AGXT2: variants seen among roughly 807,000 people sequenced by gnomAD.
AGXT2 encodes alanine--glyoxylate aminotransferase 2, also known as alanine--glyoxylate aminotransferase 2, mitochondrial.
A neutral mutation model predicts 62.5 loss-of-function variants in AGXT2; 61 were observed. That is an observed-to-expected ratio of 0.98 (90% CI 0.79 to 1.21). AGXT2 has a LOEUF of 1.21. AGXT2 is among the 50% of genes most tolerant of loss of function. The probability of loss-of-function intolerance (pLI) is 0.00; values close to 1 mark genes in which losing one functional copy is unlikely to be tolerated. For missense variants in AGXT2, 666 were observed against 641.5 expected (o/e 1.04, Z -0.41); for synonymous variants, 243 against 218.7 (o/e 1.11, Z -0.98).
intron 1 of AGXT2, among the ~76,000 whole-genome samples, chr5:35,042,166 T>C (rs954076504): frequency 1.3e-5 from 2 of 152,188 alleles, no homozygotes; most frequent in Non-Finnish European, 2.9e-5. Context: ...ATAGGATTTA[T>C]GAAAGTAGGC....
chr5:35,003,516 G>T (rs1766311664), intron 13 of AGXT2, among the ~76,000 whole-genome samples: 2 of 151,792 alleles, frequency 1.3e-5, no homozygotes, highest in Admixed American at 1.3e-4. Flanking sequence ...CCAAAGAGCC[G>T]CGACAACCAA....
intron 11 of AGXT2, chr5:35,012,746 AT>A (rs778425138): frequency 1.7e-6 from 1 of 585,976 alleles, no homozygotes; most frequent in Non-Finnish European, 3.1e-6. Context: ...ATTATATATT[AT>A]TTCTTATCCA....
At chr5:35,023,008 T>G (rs1171895082) in intron 9 of AGXT2, among the ~76,000 whole-genome samples, 2 of 144,812 alleles carry the variant, frequency 1.4e-5, no homozygotes, top group East Asian at 3.9e-4. Flanking sequence ...TTCTGCAAAT[T>G]TTTTTTTTTA....
chr5:35,006,332 A>C (rs1242094720), intron 12 of AGXT2, among the ~76,000 whole-genome samples: 1 of 152,214 alleles, frequency 6.6e-6, no homozygotes, highest in Non-Finnish European at 1.5e-5. Context: ...CTGCAAAGGA[A>C]TACCTGAGAC....
At chr5:35,009,548 A>G (rs1766550132) in intron 12 of AGXT2, among the ~76,000 whole-genome samples, 1 of 152,096 alleles carries the variant, frequency 6.6e-6, no homozygotes, top group Non-Finnish European at 1.5e-5. Context: ...GTGAGCCAAG[A>G]TCGTACCACT....
intron 1 of AGXT2, among the ~76,000 whole-genome samples, chr5:35,047,535 A>C (rs1768286632): frequency 6.6e-6 from 1 of 152,194 alleles, no homozygotes; most frequent in Non-Finnish European, 1.5e-5. Context: ...AAAATATTGA[A>C]GCTGAGATAG....
chr5:35,008,502 G>A (rs896956705), intron 12 of AGXT2, among the ~76,000 whole-genome samples: 1 of 152,166 alleles, frequency 6.6e-6, no homozygotes, highest in Non-Finnish European at 1.5e-5. Context: ...TCTTCTGAAC[G>A]TTACAACAAC....
intron 3 of AGXT2, among the ~76,000 whole-genome samples, chr5:35,037,662 C>T (rs1767831598): frequency 6.6e-6 from 1 of 152,228 alleles, no homozygotes; most frequent in Non-Finnish European, 1.5e-5. Flanking sequence ...AGAGATCCTC[C>T]TGTCTCAGCC....
At position 35,011,696 on chromosome 5, in the gene AGXT2, A is replaced by G. The variant is rs575224681; in HGVS notation, c.1188+1258T>C. ...GGGACTGTAAATTAGTACAACCTCT[A>G]TGGAAAACAGTATGGAGATTTCTAA... On this transcript the variant is annotated intron_variant, in intron 11 of 13. Transcript: ENST00000231420. Among the ~76,000 whole-genome samples, 7 of 152,234 alleles carry G rather than the reference A, an allele frequency of 4.6e-5. No individual in the cohort carries two copies. The East Asian group carries it at 1.2e-3, about 25-fold the overall frequency.
In AGXT2 at chr5:35,017,933, C is replaced by G. The variant is rs368695356; in HGVS notation, c.964-3814G>C. ...GAGAACTACGTGAAGAATGCAGAAG[C>G]CTCCGGAGCTGATGAGATCAACTGG... On this transcript the variant is annotated intron_variant, in intron 9 of 13. Transcript: ENST00000231420. Among the ~76,000 whole-genome samples, 12 of 152,038 alleles carry G rather than the reference C, an allele frequency of 7.9e-5. 1 individual carries two copies. In the East Asian group the frequency reaches 1.9e-3, roughly 24 times the overall value.
At chr5:35,025,641 GCAAA>G in intron 9 of AGXT2, 118 bp downstream of exon 9, 2 of 976,648 alleles carry the variant, frequency 2.0e-6, no homozygotes, top group Non-Finnish European at 3.2e-6. Flanking sequence ...TCATTTGTAG[GCAAA>G]CTTTGGAATT....
chr5:35,022,239 C>T (rs1767130851), intron 9 of AGXT2, among the ~76,000 whole-genome samples: 1 of 151,992 alleles, frequency 6.6e-6, no homozygotes, highest in South Asian at 2.1e-4. Flanking sequence ...ACCCAAAGGA[C>T]TATAAATCAC....
chr5:35,015,636 G>A (rs1206174433), intron 9 of AGXT2, among the ~76,000 whole-genome samples: 2 of 151,924 alleles, frequency 1.3e-5, no homozygotes, highest in Non-Finnish European at 2.9e-5. Context: ...GATCACCTGA[G>A]GTCCGGAGTT....
Position 35,013,030 on chromosome 5 carries a change from A to G in AGXT2, c.1112T>C (p.Leu371Ser). ...VITTPEIAKSLAKCLQHFNTF... is the reference protein window; with the variant it reads ...VITTPEIAKSSAKCLQHFNTF... ...GTTGAAGTGCTGCAGGCATTTCGCC[A>G]AAGATTTGGCAATCTCTAGAGGGAG... The change falls in exon 11 of 14, where the codon TTG becomes TCG. Residue 371 changes from leucine to serine, a missense_variant. Physicochemically the swap from Leu to Ser is moderately radical, Grantham distance 145. Transcript: ENST00000231420. The G allele has an allele frequency of 6.4e-7, 1 of 1,551,708 alleles. No homozygotes were observed. Among genetic ancestry groups the G allele is most frequent in the Non-Finnish European group, 8.7e-7 (1 of 1,146,982 alleles).
At chr5:35,013,924 G>A (rs1766743438) in intron 10 of AGXT2, 63 bp downstream of exon 10, 4 of 1,609,444 alleles carry the variant, frequency 2.5e-6, no homozygotes, top group East Asian at 2.2e-5. Context: ...TCCAACACAC[G>A]TGTTATACCA....
In AGXT2 at chr5:35,020,944, G is replaced by A. The variant is rs559321411; in HGVS notation, c.963+4819C>T. ...TACACCAATAACAGACAAACAGAGA[G>A]CCAAATCATGAGTGAATTCCCATTC... On this transcript the variant is annotated intron_variant, in intron 9 of 13. Coordinates refer to ENST00000231420, the MANE Select transcript of AGXT2 (RefSeq NM_031900.4). Among the ~76,000 whole-genome samples, 6 of 152,226 alleles carry A rather than the reference G, an allele frequency of 3.9e-5. No individual in the cohort carries two copies. In the East Asian group the frequency reaches 9.6e-4, roughly 24 times the overall value.
intron 10 of AGXT2, among the ~76,000 whole-genome samples, chr5:35,013,360 C>A (rs1444431964): frequency 6.6e-6 from 1 of 152,174 alleles, no homozygotes; most frequent in African/African-American, 2.4e-5. Flanking sequence ...GAAGAGACAC[C>A]AGAGCCCTCT....
At chr5:35,020,252 C>A (rs1014231684) in intron 9 of AGXT2, among the ~76,000 whole-genome samples, 5 of 152,082 alleles carry the variant, frequency 3.3e-5, no homozygotes, top group East Asian at 1.9e-4. Context: ...ATACCAAAGC[C>A]GGGCAGAGAC....
At chr5:35,037,099 G>A in intron 3 of AGXT2, 34 bp from the exon 4 acceptor site, 2 of 1,612,880 alleles carry the variant, frequency 1.2e-6, no homozygotes, top group Non-Finnish European at 1.7e-6. Context: ...TACCTGCACT[G>A]CGTGCCACGT....
Sources: gnomAD v4.1 joint callset for allele counts (sites outside exome capture counted in the v4.1 genomes callset) on GRCh38, gnomAD v4.1.1 for gene constraint, MANE v1.5 for transcripts, NCBI Gene and HGNC (gene_info 2026-07-23, HGNC 2026-07-21) for gene names.